Variants in CDH13 observed in about 807,000 individuals in gnomAD.
The protein encoded by CDH13 is cadherin-13.
In CDH13, 24 loss-of-function variants were observed where a neutral mutation model predicts 63.8. The ratio of observed to expected loss-of-function variants is 0.38; its 90% CI spans 0.27 to 0.53. CDH13 has a LOEUF of 0.53. Ranked by LOEUF, CDH13 falls within the 20% of genes least tolerant of loss-of-function variation. The pLI, the probability that CDH13 is intolerant of heterozygous loss-of-function variation, is 0.85. For missense variants in CDH13, 1,049 were observed against 903.1 expected (o/e 1.16, Z -2.07); for synonymous variants, 503 against 355.3 (o/e 1.42, Z -4.67).
intron 1 of CDH13, among the ~76,000 whole-genome samples, chr16:82,726,355 G>T (rs1372377201): frequency 1.3e-5 from 2 of 152,172 alleles, no homozygotes; most frequent in African/African-American, 4.8e-5. Flanking sequence ...TATAAGTGAG[G>T]ATGTGACTGT....
At chr16:83,070,142 C>G (rs1230404679) in intron 3 of CDH13, among the ~76,000 whole-genome samples, 1 of 152,084 alleles carries the variant, frequency 6.6e-6, no homozygotes. Flanking sequence ...TTAAGAAATT[C>G]TGCTCTTGCA....
At chr16:83,009,571 G>A (rs549388181) in intron 2 of CDH13, among the ~76,000 whole-genome samples, 3 of 152,188 alleles carry the variant, frequency 2.0e-5, no homozygotes, top group African/African-American at 7.2e-5. Flanking sequence ...TGGCTGAGTA[G>A]CAGTACTCTT....
chr16:83,267,024 G>A (rs547576252), intron 5 of CDH13, among the ~76,000 whole-genome samples: 5 of 152,154 alleles, frequency 3.3e-5, no homozygotes, highest in South Asian at 4.2e-4. Flanking sequence ...CTTAAACATC[G>A]TCATCTGCCA....
At chr16:82,753,354 C>T (rs574300038) in intron 1 of CDH13, among the ~76,000 whole-genome samples, 3 of 152,330 alleles carry the variant, frequency 2.0e-5, no homozygotes, top group African/African-American at 4.8e-5. Flanking sequence ...CCTCCTACCT[C>T]TTCAGACATC....
rs370986033 is a variant in CDH13 at position 83,032,188 on chromosome 16, C to T, written c.336C>T (p.Val112=). The change falls in exon 3 of 14, where the codon GTC becomes GTT. Residue 112 remains valine, a synonymous_variant. Transcript: ENST00000567109. ...AAGATATGGCAGAACTCGTGATTGT[C>T]GGGGGGAAAGACATCCAGGGCTCCT... ...HAEDMAELVI[V]GGKDIQGSLQ... 3.8e-5 allele frequency: 61 copies of T among 1,613,380 alleles called. No homozygotes were observed. The Admixed American group carries it at 6.3e-4, about 17-fold the overall frequency.
chr16:83,203,213 A>C (rs1025777793), intron 4 of CDH13, among the ~76,000 whole-genome samples: 1 of 152,028 alleles, frequency 6.6e-6, no homozygotes, highest in Non-Finnish European at 1.5e-5. Context: ...AACAAGAGCA[A>C]AACCCCGTCT....
intron 1 of CDH13, among the ~76,000 whole-genome samples, chr16:82,742,422 C>A (rs1035229576): frequency 6.6e-6 from 1 of 151,986 alleles, no homozygotes; most frequent in African/African-American, 2.4e-5. Flanking sequence ...AATTATGATA[C>A]AGTAACTTGT....
intron 8 of CDH13, among the ~76,000 whole-genome samples, chr16:83,630,418 T>A (rs889498889): frequency 6.6e-6 from 1 of 152,154 alleles, no homozygotes. Context: ...TTATGCATTT[T>A]AGGGACACAT....
At chr16:82,802,159 G>A (rs1175770846) in intron 1 of CDH13, among the ~76,000 whole-genome samples, 1 of 152,120 alleles carries the variant, frequency 6.6e-6, no homozygotes, top group Non-Finnish European at 1.5e-5. Flanking sequence ...ATATTCAGGT[G>A]CTTTCCACCT....
chr16:82,794,557 C>G (rs983218081), intron 1 of CDH13, among the ~76,000 whole-genome samples: 1 of 151,846 alleles, frequency 6.6e-6, no homozygotes, highest in Non-Finnish European at 1.5e-5. Context: ...ATGTTTGACC[C>G]ATGTAATACC....
intron 2 of CDH13, among the ~76,000 whole-genome samples, chr16:83,030,998 A>T (rs1916256943): frequency 6.6e-6 from 1 of 151,742 alleles, no homozygotes; most frequent in Non-Finnish European, 1.5e-5. Context: ...AGCTGTTTTC[A>T]GAGGAAAGGA....
intron 7 of CDH13, among the ~76,000 whole-genome samples, chr16:83,517,750 T>C (rs1292739625): frequency 6.6e-6 from 1 of 152,256 alleles, no homozygotes; most frequent in East Asian, 1.9e-4. Flanking sequence ...TTGTTGACAG[T>C]GTATAAGAAG....
chr16:83,333,506 T>C (rs1000341327), intron 5 of CDH13, among the ~76,000 whole-genome samples: 1 of 152,154 alleles, frequency 6.6e-6, no homozygotes, highest in Non-Finnish European at 1.5e-5. Flanking sequence ...TTTGAAATCT[T>C]GACCTGTGAC....
chr16:82,993,722 A>G (rs1047687291), intron 2 of CDH13, among the ~76,000 whole-genome samples: 5 of 152,158 alleles, frequency 3.3e-5, no homozygotes, highest in Non-Finnish European at 7.3e-5. Flanking sequence ...TGTCTACAGC[A>G]TTGTACCAAA....
chr16:82,863,897 A>AAT (rs1555531704), intron 2 of CDH13, among the ~76,000 whole-genome samples: 4 of 151,396 alleles, frequency 2.6e-5, no homozygotes, highest in African/African-American at 9.7e-5. Context: ...ATTTTAAAAA[A>AAT]TTGGTAAGAC....
At chr16:82,757,647 G>GT (rs776039467) in intron 1 of CDH13, among the ~76,000 whole-genome samples, 5,964 of 88,320 alleles carry the variant, frequency 0.068, 219 homozygotes, top group African/African-American at 0.08. Context: ...CTTTTTTTTT[G>GT]TTTTTTTTTT....
intron 1 of CDH13, chr16:82,823,863 G>T (rs920543738): frequency 6.6e-6 from 1 of 152,024 alleles, no homozygotes; most frequent in African/African-American, 2.4e-5. Context: ...AATTTATTAG[G>T]TGTTTTATCT....
At chr16:82,664,248 C>G (rs1437024943) in intron 1 of CDH13, among the ~76,000 whole-genome samples, 1 of 152,220 alleles carries the variant, frequency 6.6e-6, no homozygotes, top group Non-Finnish European at 1.5e-5. Flanking sequence ...CTTCACATGG[C>G]TGTGTCTCTC....
intron 1 of CDH13, among the ~76,000 whole-genome samples, chr16:82,664,515 A>C (rs1023784215): frequency 2.6e-5 from 4 of 152,204 alleles, no homozygotes; most frequent in Admixed American, 2.6e-4. Context: ...TAGGTGGGTA[A>C]AATAAGACAC....
Sources: allele counts gnomAD v4.1 joint callset (sites outside exome capture counted in the v4.1 genomes callset), GRCh38; gene constraint gnomAD v4.1.1; transcripts MANE v1.5; gene names NCBI Gene and HGNC (gene_info 2026-07-23, HGNC 2026-07-21).